The following PPP1R12B variants were observed in gnomAD, a reference collection of about 807,000 sequenced individuals.
PPP1R12B encodes the protein myosin phosphatase target subunit 2.
A neutral mutation model predicts 126.1 loss-of-function variants in PPP1R12B; 76 were observed. The observed-to-expected ratio is 0.60, with a 90% confidence interval of 0.50 to 0.73. The LOEUF is 0.73. Among genes scored for constraint, PPP1R12B ranks in the 30% least tolerant of loss-of-function variants. The pLI, the probability that PPP1R12B is intolerant of heterozygous loss-of-function variation, is 0.00. For synonymous variants in PPP1R12B, 356 were observed against 434.7 expected (o/e 0.82, Z 2.25); for missense variants, 1,052 against 1,205.1 (o/e 0.87, Z 1.88).
At chr1:202,403,482 T>C (rs1233237830) in intron 1 of PPP1R12B, among the ~76,000 whole-genome samples, 3 of 152,256 alleles carry the variant, frequency 2.0e-5, no homozygotes, top group African/African-American at 4.8e-5. Flanking sequence ...CAGCTGTAGC[T>C]GAGACCTTAT....
At chr1:202,538,795 C>T (rs1218041193) in intron 18 of PPP1R12B, among the ~76,000 whole-genome samples, 1 of 152,162 alleles carries the variant, frequency 6.6e-6, no homozygotes, top group Non-Finnish European at 1.5e-5. Flanking sequence ...CAAATAAATT[C>T]CTCTCTTTTT....
At chr1:202,358,453 C>G (rs990005057) in intron 1 of PPP1R12B, among the ~76,000 whole-genome samples, 1 of 152,172 alleles carries the variant, frequency 6.6e-6, no homozygotes, top group African/African-American at 2.4e-5. Context: ...GAGGCCAAGG[C>G]AGGCAGATCA....
chr1:202,535,064 T>C (rs928101037), intron 18 of PPP1R12B, among the ~76,000 whole-genome samples: 5 of 151,980 alleles, frequency 3.3e-5, no homozygotes, highest in African/African-American at 1.2e-4. Flanking sequence ...TATGTGTGTG[T>C]GTGTGTGTGT....
intron 13 of PPP1R12B, among the ~76,000 whole-genome samples, chr1:202,472,951 T>C (rs1048933390): frequency 1.3e-5 from 2 of 152,184 alleles, no homozygotes; most frequent in Admixed American, 1.3e-4. Flanking sequence ...TGAGTAGGCC[T>C]GCGAAACCTG....
intron 1 of PPP1R12B, among the ~76,000 whole-genome samples, chr1:202,378,709 A>T (rs1304223185): frequency 3.3e-5 from 5 of 152,026 alleles, no homozygotes; most frequent in Non-Finnish European, 7.4e-5. Context: ...CCAACTCCTG[A>T]CCTGGTGATC....
chr1:202,381,373 G>T (rs1246577243), intron 1 of PPP1R12B, among the ~76,000 whole-genome samples: 5 of 133,324 alleles, frequency 3.8e-5, no homozygotes, highest in Non-Finnish European at 1.6e-5. Context: ...TGATGAGCGT[G>T]GGAGTGGTTT....
intron 1 of PPP1R12B, among the ~76,000 whole-genome samples, chr1:202,355,131 T>C (rs61821701): frequency 0.43 from 65,894 of 151,706 alleles, 15,658 homozygotes; most frequent in East Asian, 0.7. Flanking sequence ...TCTTGAACTC[T>C]TGACCTCAGG....
intron 13 of PPP1R12B, among the ~76,000 whole-genome samples, chr1:202,488,072 T>C (rs746147519): frequency 1.8e-4 from 28 of 152,254 alleles, no homozygotes; most frequent in Non-Finnish European, 3.7e-4. Flanking sequence ...AGAACAGTTA[T>C]AACAAAATGC....
At chr1:202,427,748 C>T (rs1347781445) in intron 5 of PPP1R12B, among the ~76,000 whole-genome samples, 3 of 152,050 alleles carry the variant, frequency 2.0e-5, no homozygotes, top group Admixed American at 1.3e-4. Context: ...AAGTTCACGC[C>T]ATTCTCCTGC....
intron 23 of PPP1R12B, chr1:202,575,507 C>T (rs745566974): frequency 1.9e-5 from 3 of 161,402 alleles, no homozygotes; most frequent in African/African-American, 4.8e-5. Context: ...ATTTCATTGA[C>T]GGGGTCATTG....
chr1:202,445,605 G>A (rs1256248580), intron 12 of PPP1R12B, among the ~76,000 whole-genome samples: 1 of 152,098 alleles, frequency 6.6e-6, no homozygotes. Flanking sequence ...GGAATCTCTT[G>A]TATTTAGTCT....
At chr1:202,446,444 G>A (rs1251654182) in intron 12 of PPP1R12B, among the ~76,000 whole-genome samples, 1 of 148,036 alleles carries the variant, frequency 6.8e-6, no homozygotes, top group Admixed American at 6.8e-5. Flanking sequence ...TAGTAGAGAC[G>A]GGGTTTCACC....
intron 13 of PPP1R12B, among the ~76,000 whole-genome samples, chr1:202,457,662 T>G (rs965961812): frequency 4.6e-5 from 7 of 152,102 alleles, no homozygotes; most frequent in Non-Finnish European, 8.8e-5. Flanking sequence ...TGTTAAGTGC[T>G]GTGGTAAAGA....
intron 10 of PPP1R12B, chr1:202,439,822 T>C: frequency 2.5e-6 from 1 of 397,318 alleles, no homozygotes; most frequent in South Asian, 2.4e-5. Flanking sequence ...CTGGGCTAGG[T>C]CTCCACTGGG....
At chr1:202,422,207 C>T (rs1668889697) in intron 2 of PPP1R12B, among the ~76,000 whole-genome samples, 1 of 152,192 alleles carries the variant, frequency 6.6e-6, no homozygotes, top group South Asian at 2.1e-4. Flanking sequence ...TTTATGGAGG[C>T]ATAATTTAGG....
intron 18 of PPP1R12B, among the ~76,000 whole-genome samples, chr1:202,556,341 A>T (rs1462137058): frequency 1.3e-5 from 2 of 152,182 alleles, no homozygotes; most frequent in Non-Finnish European, 2.9e-5. Context: ...CAGAAATTAG[A>T]AATCAGGTCT....
chr1:202,523,858 G>T (rs1221342443), intron 18 of PPP1R12B, among the ~76,000 whole-genome samples: 4 of 152,070 alleles, frequency 2.6e-5, no homozygotes, highest in Non-Finnish European at 5.9e-5. Flanking sequence ...AGGATTACAG[G>T]TGCATGCCAC....
rs778471906 is a variant in PPP1R12B at position 202,580,573 on chromosome 1, A to T, written c.*13A>T. Reference sequence around the variant, plus strand: ...ACTGTCCAAGTAGGCTAGGCTCCAGATTTATGAGGAAAGAAAGGGACAGCA... The same window carrying T: ...ACTGTCCAAGTAGGCTAGGCTCCAGTTTTATGAGGAAAGAAAGGGACAGCA... On this transcript the variant is annotated 3_prime_UTR_variant, in exon 24 of 24. Coordinates refer to ENST00000608999, the MANE Select transcript of PPP1R12B (RefSeq NM_002481.4). 2 of 1,600,788 alleles carry T rather than the reference A, an allele frequency of 1.2e-6. No homozygotes were observed. The highest frequency in any genetic ancestry group is 4.5e-5 in the East Asian group (2 of 44,786).
intron 9 of PPP1R12B, among the ~76,000 whole-genome samples, chr1:202,437,072 G>T (rs949145498): frequency 6.6e-6 from 1 of 152,114 alleles, no homozygotes; most frequent in Non-Finnish European, 1.5e-5. Flanking sequence ...GTTCATGCCT[G>T]TAATCACAGC....
Sources: allele counts gnomAD v4.1 joint callset (sites outside exome capture counted in the v4.1 genomes callset), GRCh38; gene constraint gnomAD v4.1.1; transcripts MANE v1.5; gene names NCBI Gene and HGNC (gene_info 2026-07-23, HGNC 2026-07-21).